Variants in CSMD1 observed in about 807,000 individuals in gnomAD.
The protein encoded by CSMD1 is CUB and Sushi multiple domains 1.
Under a neutral mutation model 417.5 loss-of-function variants are expected in CSMD1, and 213 were observed. The ratio of observed to expected loss-of-function variants is 0.51; its 90% confidence interval spans 0.46 to 0.57. The LOEUF is 0.57. Ranked by LOEUF, CSMD1 falls within the 20% of genes least tolerant of loss-of-function variation. The pLI is 0.00. For missense variants in CSMD1, 6,923 were observed against 4,529.7 expected (o/e 1.53, Z -15.17); for synonymous variants, 2,862 against 1,736.8 (o/e 1.65, Z -16.11).
At chr8:3,877,278 C>T (rs1048011113) in intron 5 of CSMD1, among the ~76,000 whole-genome samples, 3 of 152,068 alleles carry the variant, frequency 2.0e-5, no homozygotes, top group Admixed American at 6.5e-5. Context: ...GCCCTTGATG[C>T]GTGGTGAAAG....
intron 3 of CSMD1, among the ~76,000 whole-genome samples, chr8:4,313,795 C>G (rs10099537): frequency 0.26 from 40,163 of 151,678 alleles, 6,041 homozygotes; most frequent in African/African-American, 0.42. Flanking sequence ...GCAGGCGGAT[C>G]AAAAGGTCAG....
chr8:4,388,052 A>C (rs1803576476), intron 3 of CSMD1, among the ~76,000 whole-genome samples: 1 of 152,150 alleles, frequency 6.6e-6, no homozygotes, highest in South Asian at 2.1e-4. Flanking sequence ...TGATGAATGA[A>C]TGTCCACCTC....
chr8:4,484,271 A>G (rs552054197), intron 2 of CSMD1, among the ~76,000 whole-genome samples: 1 of 152,068 alleles, frequency 6.6e-6, no homozygotes, highest in Non-Finnish European at 1.5e-5. Context: ...TTCTAGGAAC[A>G]AGGTTTCATT....
At chr8:4,227,214 C>A (rs2174359) in intron 3 of CSMD1, among the ~76,000 whole-genome samples, 1 of 152,144 alleles carries the variant, frequency 6.6e-6, no homozygotes, top group Non-Finnish European at 1.5e-5. Context: ...ACTGAAAGTA[C>A]TGCATGACCC....
chr8:3,345,216 T>G (rs1807910646), intron 22 of CSMD1, among the ~76,000 whole-genome samples: 3 of 152,188 alleles, frequency 2.0e-5, no homozygotes, highest in African/African-American at 4.8e-5. Flanking sequence ...CGTGTCCTCA[T>G]GAGGACTTGA....
Position 4,832,442 on chromosome 8 carries a change from C to T in CSMD1, c.85+161890G>A, listed in dbSNP as rs77351862. On this transcript the variant is annotated intron_variant, in intron 1 of 69. Transcript: ENST00000635120. ...CATCAGGAAGACTTTGGAGAAGAGGCGCTGTGGCCAGGGAAAAAATTACAA... is the reference window on the plus strand; with the variant it reads ...CATCAGGAAGACTTTGGAGAAGAGGTGCTGTGGCCAGGGAAAAAATTACAA... 1.4e-4 allele frequency among the ~76,000 whole-genome samples: 21 copies of T among 152,160 alleles called. No homozygotes were observed. In the East Asian group the frequency reaches 1.7e-3, roughly 13 times the overall value.
At chr8:2,964,650 C>T (rs952257012) in intron 59 of CSMD1, among the ~76,000 whole-genome samples, 4 of 152,142 alleles carry the variant, frequency 2.6e-5, no homozygotes, top group African/African-American at 7.2e-5. Flanking sequence ...TGAATACTGC[C>T]GACACAACGT....
intron 26 of CSMD1, chr8:3,278,323 G>A (rs984170862): frequency 2.6e-5 from 4 of 152,128 alleles, no homozygotes; most frequent in Non-Finnish European, 5.9e-5. Context: ...GAAAAATATA[G>A]TAATTCAAAT....
intron 2 of CSMD1, among the ~76,000 whole-genome samples, chr8:4,523,610 T>C (rs1391074514): frequency 1.3e-5 from 2 of 151,978 alleles, no homozygotes; most frequent in Non-Finnish European, 2.9e-5. Flanking sequence ...GTAGAAGAAA[T>C]AATGCAAGTC....
intron 25 of CSMD1, among the ~76,000 whole-genome samples, chr8:3,304,887 G>T (rs185081616): frequency 1.6e-4 from 25 of 152,126 alleles, no homozygotes; most frequent in African/African-American, 5.8e-4. Flanking sequence ...ACAAAAATGT[G>T]AAATTCTTCT....
chr8:3,084,031 T>G (rs182933816), intron 49 of CSMD1, among the ~76,000 whole-genome samples: 1 of 152,262 alleles, frequency 6.6e-6, no homozygotes, highest in Non-Finnish European at 1.5e-5. Context: ...GTTGTTGTTG[T>G]TGTCATTTCT....
At chr8:3,097,610 T>A (rs972980436) in intron 46 of CSMD1, among the ~76,000 whole-genome samples, 4 of 152,162 alleles carry the variant, frequency 2.6e-5, no homozygotes, top group African/African-American at 9.7e-5. Flanking sequence ...GGGTGAGACA[T>A]AGCCCGGGGA....
In CSMD1 at chr8:4,598,627, A is replaced by G. The variant is rs182563789; in HGVS notation, c.302+38715T>C. 5.9e-5 allele frequency among the ~76,000 whole-genome samples: 9 copies of G among 152,322 alleles called. No homozygotes were observed. In the East Asian group the frequency reaches 1.4e-3, roughly 23 times the overall value. ...TTTGTTTCTATATTAAATCAACTCA[A>G]TAAAAATTAACTATGCTAGGAATCT... On this transcript the variant is annotated intron_variant, in intron 2 of 69. Coordinates refer to ENST00000635120, the MANE Select transcript of CSMD1 (RefSeq NM_033225.6).
chr8:3,091,659 G>C lies in CSMD1; in HGVS notation c.7142C>G (p.Ser2381Cys), dbSNP rs778905960. The C allele has an allele frequency of 1.9e-6, 3 of 1,606,268 alleles. No homozygotes were observed. The highest frequency in any genetic ancestry group is 1.3e-5 in the African/African-American group (1 of 74,578). Reference sequence around the variant, plus strand: ...TACTAGCAGAGGACTTTGCCCAGAAGAACCTAAGTGAAACAGAAAAACAAA... The same window carrying C: ...TACTAGCAGAGGACTTTGCCCAGAACAACCTAAGTGAAACAGAAAAACAAA... The part of the protein sequence containing the change: ...QFDALEVFDG[S>C]SGQSPLLVVL... Residue 2381 changes from serine (S) to cysteine (C), a missense_variant, in exon 48 of 70, where the codon TCT becomes TGT. Ser to Cys is a moderately radical substitution (Grantham distance 112, BLOSUM62 -1). Transcript: ENST00000635120.
intron 7 of CSMD1, among the ~76,000 whole-genome samples, chr8:3,695,545 T>C (rs1032261536): frequency 6.6e-6 from 1 of 152,158 alleles, no homozygotes; most frequent in Admixed American, 6.5e-5. Flanking sequence ...TATTTGCTAA[T>C]TGCTTTCCAC....
intron 1 of CSMD1, among the ~76,000 whole-genome samples, chr8:4,657,974 G>C (rs930101184): frequency 3.3e-5 from 4 of 120,264 alleles, no homozygotes; most frequent in African/African-American, 5.9e-5. Context: ...TCAAAAGTTG[G>C]TTAAAGCAGG....
chr8:3,302,236 C>T (rs1459476901), intron 25 of CSMD1, among the ~76,000 whole-genome samples: 1 of 152,112 alleles, frequency 6.6e-6, no homozygotes, highest in Non-Finnish European at 1.5e-5. Context: ...CAGCTTCCAC[C>T]ATTTTATCTC....
Position 3,454,319 on chromosome 8 carries a change from G to C in CSMD1, c.1561+14393C>G, listed in dbSNP as rs546223773. ...AGCATTTGGCCCATTTACATTTAAG[G>C]TTAATATTGTTATGTGTGAATTTGA... On this transcript the variant is annotated intron_variant, in intron 12 of 69. Coordinates refer to ENST00000635120, the MANE Select transcript of CSMD1 (RefSeq NM_033225.6). 1.3e-3 allele frequency among the ~76,000 whole-genome samples: 197 copies of C among 152,250 alleles called. 1 individual carries two copies. Among genetic ancestry groups the C allele is most frequent in the Non-Finnish European group, 1.7e-3 (115 of 68,034 alleles).
At chr8:4,953,016 C>A (rs1808854206) in intron 1 of CSMD1, among the ~76,000 whole-genome samples, 1 of 152,066 alleles carries the variant, frequency 6.6e-6, no homozygotes, top group Non-Finnish European at 1.5e-5. Context: ...TAAAGGTTTT[C>A]CACATGTGAG....
Sources: allele counts gnomAD v4.1 joint callset (sites outside exome capture counted in the v4.1 genomes callset), GRCh38; gene constraint gnomAD v4.1.1; transcripts MANE v1.5; gene names NCBI Gene and HGNC (gene_info 2026-07-23, HGNC 2026-07-21).